Variants in PCDHGB3 observed in about 807,000 individuals in gnomAD.
PCDHGB3 encodes protocadherin gamma-B3.
A neutral mutation model predicts 59.2 loss-of-function variants in PCDHGB3; 40 were observed. The ratio of observed to expected loss-of-function variants is 0.68; its 90% CI spans 0.52 to 0.88. The LOEUF (loss-of-function observed/expected upper bound fraction) is 0.88. Among genes scored for constraint, PCDHGB3 ranks in the 40% least tolerant of loss-of-function variants. The probability of loss-of-function intolerance (pLI) is 0.00; values close to 1 mark genes in which losing one functional copy is unlikely to be tolerated. For synonymous variants in PCDHGB3, 581 were observed against 503.6 expected, an observed-to-expected ratio of 1.15 and a Z score of -2.06; for missense variants, 1,309 against 1,187.9, an observed-to-expected ratio of 1.10 and a Z score of -1.50.
intron 1 of PCDHGB3, chr5:141,383,924 A>G: frequency 1.2e-6 from 2 of 1,613,950 alleles, no homozygotes; most frequent in Non-Finnish European, 1.7e-6. Context: ...GATGTAAATG[A>G]TAATGCTCCA....
intron 1 of PCDHGB3, chr5:141,410,073 G>T: frequency 6.2e-7 from 1 of 1,612,940 alleles, no homozygotes; most frequent in South Asian, 1.1e-5. Context: ...CTGCGCACTG[G>T]GGAGGTGCGC....
chr5:141,400,743 C>G (rs1404866842), intron 1 of PCDHGB3: 1 of 611,332 alleles, frequency 1.6e-6, no homozygotes, highest in Non-Finnish European at 2.8e-6. Flanking sequence ...AGAGTTTGCT[C>G]TTAGCTTCCT....
chr5:141,512,702 C>T lies in PCDHGB3; in HGVS notation c.*1529C>T, dbSNP rs940927635. 2.0e-5 allele frequency: 3 copies of T among 152,828 alleles called. No homozygotes were observed. Among genetic ancestry groups the T allele is most frequent in the Non-Finnish European group, 2.9e-5 (2 of 68,560 alleles). The allele number at this position is 152,828 out of a possible 1,614,324, so 9.5% of individuals were successfully genotyped here. ...ATAGCCAGTAGTGTAGTGCGGTGTG[C>T]TTTTACGTGATGGCGGGTGGGCAGC... On this transcript the variant is annotated 3_prime_UTR_variant, in exon 4 of 4. Transcript: ENST00000576222.
chr5:141,399,750 C>A, intron 1 of PCDHGB3: 1 of 1,613,330 alleles, frequency 6.2e-7, no homozygotes, highest in Non-Finnish European at 8.5e-7. Flanking sequence ...TCAGCGCAAA[C>A]GTGAGCCTGC....
chr5:141,423,678 G>A (rs1161093615), intron 1 of PCDHGB3: 3 of 1,496,158 alleles, frequency 2.0e-6, no homozygotes, highest in Non-Finnish European at 2.7e-6. Flanking sequence ...TTATTTCTCT[G>A]CCTCCTAATT....
At chr5:141,389,119 A>G (rs1561623119) in intron 1 of PCDHGB3, 16 of 1,614,066 alleles carry the variant, frequency 9.9e-6, no homozygotes, top group Admixed American at 1.7e-5. Context: ...GACCGCGAGC[A>G]GAATCCAGAG....
rs557311426 is a variant in PCDHGB3, at chr5:141,384,226, G to T, written c.2415+11417G>T. 56 of 1,613,860 alleles carry T rather than the reference G, an allele frequency of 3.5e-5. No homozygotes were observed. In the East Asian group the frequency reaches 1.2e-3, roughly 34 times the overall value. ...GGAAACTCACATATTCATGCAGGTGGCAGACACCAACGATAACCCACCCAC... is the reference window on the plus strand; with the variant it reads ...GGAAACTCACATATTCATGCAGGTGTCAGACACCAACGATAACCCACCCAC... On this transcript the variant is annotated intron_variant, in intron 1 of 3. Coordinates refer to ENST00000576222, the MANE Select transcript of PCDHGB3 (RefSeq NM_018924.5).
rs984746872 is a variant in PCDHGB3 at position 141,370,625 on chromosome 5, G to T, written c.231G>T (p.Val77=). 1 of 1,613,980 alleles carries T rather than the reference G, an allele frequency of 6.2e-7. No individual in the cohort carries two copies. The highest frequency in any genetic ancestry group is 8.5e-7 in the Non-Finnish European group (1 of 1,179,906). ...TTGCAGAGAAGAAATTCTTTACCGT[G>T]AGCCCCGAAAATGGGAACTTACTTG... ...RVIAEKKFFT[V]SPENGNLLVS... The change falls in exon 1 of 4, where the codon GTG becomes GTT. Residue 77 remains valine, a synonymous_variant. Coordinates refer to ENST00000576222, the MANE Select transcript of PCDHGB3 (RefSeq NM_018924.5).
rs1485167379 is a variant in PCDHGB3, at chr5:141,485,881, C to T, written c.2416-8926C>T. 5.0e-6 allele frequency: 8 copies of T among 1,613,984 alleles called. No homozygotes were observed. Among genetic ancestry groups the T allele is most frequent in the East Asian group, 2.2e-5 (1 of 44,880 alleles). On this transcript the variant is annotated intron_variant, in intron 1 of 3. Transcript: ENST00000576222. The surrounding 1 kb of genome is among the most constrained non-coding windows in gnomAD (Gnocchi z 5.7). ...TCCGGGTATCCGTGCTGGACGTAAACGACAACGCCCCAGCCTTCCAGCAAT... is the reference window on the plus strand; with the variant it reads ...TCCGGGTATCCGTGCTGGACGTAAATGACAACGCCCCAGCCTTCCAGCAAT...
In PCDHGB3 at chr5:141,490,692, G is replaced by C. The variant is rs751109998; in HGVS notation, c.2416-4115G>C. 16 of 1,614,154 alleles carry C rather than the reference G, an allele frequency of 9.9e-6. 1 individual carries two copies. The Middle Eastern group carries it at 6.6e-4, about 67-fold the overall frequency. ...TGGCTGCCTCAGATCCAGACACTGG[G>C]GATAATGCCCGCCTCACCTACTCCA... On this transcript the variant is annotated intron_variant, in intron 1 of 3. Transcript: ENST00000576222. This position sits in a 1 kb window ranked among gnomAD's most constrained non-coding sequence, Gnocchi z 5.4.
chr5:141,399,623 C>G, intron 1 of PCDHGB3: 2 of 1,613,920 alleles, frequency 1.2e-6, no homozygotes, highest in Non-Finnish European at 1.7e-6. Context: ...GCACTGGCCT[C>G]TTACGTGTCC....
At chr5:141,383,860 G>T (rs772168555) in intron 1 of PCDHGB3, 11 of 1,613,926 alleles carry the variant, frequency 6.8e-6, no homozygotes, top group Non-Finnish European at 9.3e-6. Flanking sequence ...GGAGGTTCAG[G>T]CTCAAGATGG....
Position 141,490,732 on chromosome 5 carries a change from G to T in PCDHGB3, c.2416-4075G>T, listed in dbSNP as rs775388969. 4 of 1,614,188 alleles carry T rather than the reference G, an allele frequency of 2.5e-6. No individual in the cohort carries two copies. Among genetic ancestry groups the T allele is most frequent in the Non-Finnish European group, 3.4e-6 (4 of 1,180,042 alleles). ...CACCTACTCCATTGTAGGAAATCAGGTTCAGGGAGCCCCAGCCTCCTCCTT... is the reference window on the plus strand; with the variant it reads ...CACCTACTCCATTGTAGGAAATCAGTTTCAGGGAGCCCCAGCCTCCTCCTT... On this transcript the variant is annotated intron_variant, in intron 1 of 3. Transcript: ENST00000576222. The surrounding 1 kb of genome is among the most constrained non-coding windows in gnomAD (Gnocchi z 5.4).
intron 1 of PCDHGB3, chr5:141,394,099 C>T: frequency 1.2e-6 from 2 of 1,613,930 alleles, no homozygotes; most frequent in South Asian, 1.1e-5. Context: ...GATCTAGGAA[C>T]ACCACCTCTG....
intron 1 of PCDHGB3, chr5:141,389,349 A>C: frequency 5.6e-6 from 9 of 1,613,980 alleles, no homozygotes; most frequent in Non-Finnish European, 7.6e-6. Flanking sequence ...CTCTTACTGC[A>C]TCATGGCCAG....
chr5:141,480,533 G>A (rs2099521308), intron 1 of PCDHGB3, among the ~76,000 whole-genome samples: 1 of 127,758 alleles, frequency 7.8e-6, no homozygotes, highest in African/African-American at 3.6e-5. Flanking sequence ...CAAAGTAGAA[G>A]CACATATGAA....
chr5:141,382,495 A>G (rs1778251368), intron 1 of PCDHGB3, among the ~76,000 whole-genome samples: 1 of 152,272 alleles, frequency 6.6e-6, no homozygotes, highest in African/African-American at 2.4e-5. Context: ...ACACCGGTCC[A>G]TGAACACTGT....
intron 2 of PCDHGB3, among the ~76,000 whole-genome samples, chr5:141,499,370 AT>A (rs932083472): frequency 2.0e-5 from 3 of 152,170 alleles, no homozygotes. Context: ...TAGCAACTTA[AT>A]TTTTTTCCAC....
intron 1 of PCDHGB3, among the ~76,000 whole-genome samples, chr5:141,450,038 A>G (rs2098666630): frequency 8.1e-6 from 1 of 124,190 alleles, no homozygotes; most frequent in African/African-American, 3.3e-5. Context: ...ACAGGGTCTC[A>G]CTCTTTCGCC....
Sources: gnomAD v4.1 joint callset for allele counts (sites outside exome capture counted in the v4.1 genomes callset) on GRCh38, gnomAD v4.1.1 for gene constraint, Gnocchi (gnomAD v3.1) non-coding constraint, MANE v1.5 for transcripts, NCBI Gene and HGNC (gene_info 2026-07-23, HGNC 2026-07-21) for gene names.